The following LRCH3 variants were observed in gnomAD, a reference collection of about 807,000 sequenced individuals.
LRCH3 encodes the protein leucine rich repeats and calponin homology domain containing 3, also known as DISP complex protein LRCH3.
LRCH3 carries 68 observed loss-of-function variants against 104.5 expected under a neutral mutation model. The observed-to-expected ratio is 0.65, with a 90% CI of 0.54 to 0.80. The LOEUF (loss-of-function observed/expected upper bound fraction) is 0.80. LRCH3 is among the 30% of genes least tolerant of loss of function. The pLI, the probability that LRCH3 is intolerant of heterozygous loss-of-function variation, is 0.00. For synonymous variants in LRCH3, 344 were observed against 361.3 expected (o/e 0.95, Z 0.54); for missense variants, 951 against 953.9 (o/e 1.00, Z 0.04).
rs544263486 is a variant in LRCH3, at chr3:197,867,135, G to T, written c.1873+916G>T. Among the ~76,000 whole-genome samples, 3 of 152,286 alleles carry T rather than the reference G, an allele frequency of 2.0e-5. No individual in the cohort carries two copies. In the South Asian group the frequency reaches 6.2e-4, roughly 32 times the overall value. On this transcript the variant is annotated intron_variant, in intron 17 of 20. Transcript: ENST00000425562. ...ACTGAAAAAATACAAAAATTAGCCG[G>T]GTGTGGCAGCAGGCGCCTGTAATTC...
At chr3:197,819,748 A>T (rs190609771) in intron 3 of LRCH3, among the ~76,000 whole-genome samples, 1 of 152,278 alleles carries the variant, frequency 6.6e-6, no homozygotes, top group East Asian at 1.9e-4. Flanking sequence ...CTAGCTTCTG[A>T]TTCTACTTCA....
chr3:197,833,690 A>T (rs960313176), intron 8 of LRCH3, among the ~76,000 whole-genome samples: 4 of 152,222 alleles, frequency 2.6e-5, no homozygotes, highest in African/African-American at 9.6e-5. Context: ...GACATATTAG[A>T]CAATGTAAAA....
At chr3:197,834,856 C>T (rs1002859983) in intron 8 of LRCH3, among the ~76,000 whole-genome samples, 2 of 152,214 alleles carry the variant, frequency 1.3e-5, no homozygotes, top group African/African-American at 4.8e-5. Context: ...ATAATAAACA[C>T]TTGTGTGCCA....
At chr3:197,837,042 C>G (rs1225556819) in intron 9 of LRCH3, among the ~76,000 whole-genome samples, 1 of 151,938 alleles carries the variant, frequency 6.6e-6, no homozygotes, top group African/African-American at 2.4e-5. Context: ...CTTTTGAACA[C>G]CGTATTTTTT....
intron 5 of LRCH3, among the ~76,000 whole-genome samples, chr3:197,828,370 G>C (rs1056409805): frequency 5.3e-5 from 8 of 151,794 alleles, no homozygotes; most frequent in African/African-American, 1.9e-4. Context: ...TTGTGAGAAG[G>C]AGTCTCGCTC....
intron 3 of LRCH3, among the ~76,000 whole-genome samples, chr3:197,819,878 T>TA (rs958661993): frequency 3.3e-5 from 5 of 151,878 alleles, no homozygotes; most frequent in African/African-American, 4.8e-5. Flanking sequence ...TTTTTCTTTT[T>TA]AAAAAAAAGA....
intron 14 of LRCH3, among the ~76,000 whole-genome samples, chr3:197,857,718 G>C (rs1292282964): frequency 2.6e-5 from 4 of 152,154 alleles, no homozygotes; most frequent in Non-Finnish European, 5.9e-5. Context: ...TTAAAAAGCA[G>C]GCCCAGGAAA....
chr3:197,862,639 T>C lies in LRCH3; in HGVS notation c.1717-2784T>C, dbSNP rs187966801. Among the ~76,000 whole-genome samples the C allele has an allele frequency of 2.7e-3, 415 of 152,270 alleles. 5 individuals carry two copies. The highest frequency in any genetic ancestry group is 5.2e-3 in the Non-Finnish European group (357 of 68,004). ...CTTTGTTTAACCAATTTTCTACTTA[T>C]TCACAACCCTGGAAAATAAACATAG... On this transcript the variant is annotated intron_variant, in intron 15 of 20. Transcript: ENST00000425562.
intron 20 of LRCH3, among the ~76,000 whole-genome samples, chr3:197,876,672 C>A (rs1712924828): frequency 6.6e-6 from 1 of 152,152 alleles, no homozygotes; most frequent in African/African-American, 2.4e-5. Context: ...TTGTCTATAG[C>A]CTGCAAGGAG....
At chr3:197,807,468 G>A (rs13093176) in intron 1 of LRCH3, among the ~76,000 whole-genome samples, 112,122 of 151,892 alleles carry the variant, frequency 0.74, 43,552 homozygotes, top group East Asian at 0.94. Flanking sequence ...TGATCCGCCC[G>A]CCTTGGCCTC....
In LRCH3 at chr3:197,883,492, C is replaced by A; in HGVS notation, c.2209-49C>A. On this transcript the variant is annotated intron_variant, in intron 20 of 20. Transcript: ENST00000425562. The surrounding 1 kb of genome is among the most constrained non-coding windows in gnomAD (Gnocchi z 4.2). ...TTTTTCCTTTCAGTTCTATGATATT[C>A]ATCCGATTTTCTTTTTTGTTTGTTT... The A allele has an allele frequency of 6.6e-7, 1 of 1,515,966 alleles. No homozygotes were observed. The highest frequency in any genetic ancestry group is 8.8e-7 in the Non-Finnish European group (1 of 1,134,426). The allele number at this position is 1,515,966 out of a possible 1,614,324, so 93.9% of individuals were successfully genotyped here.
chr3:197,841,846 G>C (rs78568499), intron 10 of LRCH3, among the ~76,000 whole-genome samples: 16,925 of 147,116 alleles, frequency 0.12, 1,123 homozygotes, highest in African/African-American at 0.19. Flanking sequence ...GTTTTGTTTT[G>C]TTTTGTGACA....
At chr3:197,798,855 G>C (rs1731562083) in intron 1 of LRCH3, among the ~76,000 whole-genome samples, 1 of 152,160 alleles carries the variant, frequency 6.6e-6, no homozygotes, top group Admixed American at 6.5e-5. Context: ...TTAAAACTTG[G>C]TTCTTCATTT....
At chr3:197,818,479 G>A (rs1479352020) in intron 3 of LRCH3, among the ~76,000 whole-genome samples, 1 of 152,150 alleles carries the variant, frequency 6.6e-6, no homozygotes, top group East Asian at 1.9e-4. Context: ...AATATAGTTG[G>A]ATCACTTTTT....
chr3:197,871,579 T>A (rs1712200024), intron 19 of LRCH3, 117 bp downstream of exon 19: 1 of 1,365,580 alleles, frequency 7.3e-7, no homozygotes, highest in African/African-American at 1.4e-5. Context: ...AAGAGTCCAG[T>A]CTCTACCTTC....
chr3:197,883,784 C>A lies in LRCH3; in HGVS notation c.*118C>A. On this transcript the variant is annotated 3_prime_UTR_variant, in exon 21 of 21. Coordinates refer to ENST00000425562, the MANE Select transcript of LRCH3 (RefSeq NM_001365715.1). This position sits in a 1 kb window ranked among gnomAD's most constrained non-coding sequence, Gnocchi z 4.2. ...GTGTGTTCTCAGAAGGGACCGTTCC[C>A]ATGATTCCTAACAGGAATATTTTGC... 1 of 1,068,474 alleles carries A rather than the reference C, an allele frequency of 9.4e-7. No individual in the cohort carries two copies. Among genetic ancestry groups the A allele is most frequent in the Non-Finnish European group, 1.2e-6 (1 of 804,598 alleles). The allele number at this position is 1,068,474 out of a possible 1,614,324, so 66.2% of individuals were successfully genotyped here.
chr3:197,869,306 AAAGCC>A (rs1711769630), intron 17 of LRCH3, among the ~76,000 whole-genome samples: 1 of 151,828 alleles, frequency 6.6e-6, no homozygotes, highest in Non-Finnish European at 1.5e-5. Flanking sequence ...CAGGAGGTAG[AAAGCC>A]ATGCACTGTA....
chr3:197,850,356 T>TC, intron 12 of LRCH3: 2 of 905,746 alleles, frequency 2.2e-6, no homozygotes, highest in Non-Finnish European at 3.3e-6. Flanking sequence ...TTTTTCTTTT[T>TC]TTTTTTTTTT....
At chr3:197,867,266 C>T (rs990076810) in intron 17 of LRCH3, among the ~76,000 whole-genome samples, 1 of 151,544 alleles carries the variant, frequency 6.6e-6, no homozygotes, top group Non-Finnish European at 1.5e-5. Context: ...GGTAGAGTAA[C>T]AAACTGGCCA....
Sources: allele counts gnomAD v4.1 joint callset (sites outside exome capture counted in the v4.1 genomes callset), GRCh38; gene constraint gnomAD v4.1.1; non-coding constraint Gnocchi (gnomAD v3.1); transcripts MANE v1.5; gene names NCBI Gene and HGNC (gene_info 2026-07-23, HGNC 2026-07-21).